DTNA: variants seen among roughly 807,000 people sequenced by gnomAD.
DTNA encodes dystrophin-related protein 3.
In DTNA, 43 loss-of-function variants were observed where a neutral mutation model predicts 100.7. The observed-to-expected ratio is 0.43, with a 90% CI of 0.33 to 0.55. DTNA has a LOEUF of 0.55. Ranked by LOEUF, DTNA falls within the 20% of genes least tolerant of loss-of-function variation. The pLI, the probability that DTNA is intolerant of heterozygous loss-of-function variation, is 0.04. For missense variants in DTNA, 798 were observed against 953.9 expected (o/e 0.84, Z 2.15); for synonymous variants, 349 against 347.9 (o/e 1.00, Z -0.04).
chr18:34,787,771 T>G (rs1461966056), intron 3 of DTNA, among the ~76,000 whole-genome samples: 2 of 152,190 alleles, frequency 1.3e-5, no homozygotes, highest in African/African-American at 2.4e-5. Context: ...ACCTAGCCCT[T>G]TTCTACCTGA....
chr18:34,782,706 T>C (rs11662191), intron 3 of DTNA, among the ~76,000 whole-genome samples: 18,229 of 152,178 alleles, frequency 0.12, 1,112 homozygotes, highest in African/African-American at 0.14. Flanking sequence ...GGCTAGAGCA[T>C]AGGACTCTTG....
chr18:34,816,969 T>C (rs1163897115), intron 7 of DTNA, among the ~76,000 whole-genome samples: 1 of 152,198 alleles, frequency 6.6e-6, no homozygotes, highest in African/African-American at 2.4e-5. Context: ...TTTTTTTATG[T>C]TTATCCATAT....
intron 3 of DTNA, among the ~76,000 whole-genome samples, chr18:34,771,127 G>T (rs1198720468): frequency 6.6e-6 from 1 of 152,068 alleles, no homozygotes; most frequent in Non-Finnish European, 1.5e-5. Flanking sequence ...TTTCTCTCTT[G>T]TTATGTATGT....
At chr18:34,619,378 G>A (rs2055999800) in intron 1 of DTNA, among the ~76,000 whole-genome samples, 1 of 152,140 alleles carries the variant, frequency 6.6e-6, no homozygotes, top group South Asian at 2.1e-4. Flanking sequence ...CTGAAAGAAA[G>A]AATGGATGGC....
chr18:34,792,898 C>T (rs913519161), intron 3 of DTNA, among the ~76,000 whole-genome samples: 5 of 152,086 alleles, frequency 3.3e-5, no homozygotes, highest in Admixed American at 6.6e-5. Context: ...AAGACTTGTA[C>T]GTGATTGTTC....
chr18:34,860,213 A>ATTT (rs1169379979), intron 16 of DTNA, among the ~76,000 whole-genome samples: 9 of 74,340 alleles, frequency 1.2e-4, no homozygotes, highest in East Asian at 7.5e-4. Context: ...CGCCCGGCTA[A>ATTT]TTTTTTGTTT....
chr18:34,682,762 CAT>C (rs1338106329), intron 1 of DTNA, among the ~76,000 whole-genome samples: 2 of 151,976 alleles, frequency 1.3e-5, no homozygotes, highest in East Asian at 3.9e-4. Flanking sequence ...TCCTTTATCA[CAT>C]GTGTCTTTTG....
At position 34,560,631 on chromosome 18, in the gene DTNA, C is replaced by T. The variant is rs1276320183; in HGVS notation, c.-2+67117C>T. On this transcript the variant is annotated intron_variant, in intron 1 of 19. Coordinates refer to the DTNA transcript ENST00000283365. ...TTTAAAATTTGAATAAGAGGTTGGGCGCTATGGCTCACTCCTGTAATCCCA... is the reference window on the plus strand; with the variant it reads ...TTTAAAATTTGAATAAGAGGTTGGGTGCTATGGCTCACTCCTGTAATCCCA... 3.3e-5 allele frequency among the ~76,000 whole-genome samples: 5 copies of T among 152,204 alleles called. No individual in the cohort carries two copies. In the East Asian group the frequency reaches 5.8e-4, roughly 18 times the overall value.
intron 1 of DTNA, among the ~76,000 whole-genome samples, chr18:34,621,379 T>A (rs2056473548): frequency 6.6e-6 from 1 of 152,050 alleles, no homozygotes; most frequent in African/African-American, 2.4e-5. Context: ...CACTCCCACG[T>A]TCACTGTAGC....
At chr18:34,506,420 A>G (rs2040499729) in intron 1 of DTNA, among the ~76,000 whole-genome samples, 1 of 152,152 alleles carries the variant, frequency 6.6e-6, no homozygotes, top group African/African-American at 2.4e-5. Context: ...TGACATCATC[A>G]CGGTGGGGAT....
intron 1 of DTNA, among the ~76,000 whole-genome samples, chr18:34,510,536 T>C (rs1183224504): frequency 1.3e-5 from 2 of 151,670 alleles, no homozygotes; most frequent in Admixed American, 6.6e-5. Context: ...TTATAATCAG[T>C]GGCAGAGCTA....
At chr18:34,649,489 G>A (rs1290269188) in intron 1 of DTNA, among the ~76,000 whole-genome samples, 1 of 152,064 alleles carries the variant, frequency 6.6e-6, no homozygotes, top group Non-Finnish European at 1.5e-5. Flanking sequence ...GCATTTACAT[G>A]TGTTAAATGT....
intron 1 of DTNA, among the ~76,000 whole-genome samples, chr18:34,545,380 A>G (rs2044669917): frequency 6.6e-6 from 1 of 152,132 alleles, no homozygotes; most frequent in Non-Finnish European, 1.5e-5. Flanking sequence ...TATTCCTACT[A>G]GGATATGTAC....
chr18:34,835,069 T>G (rs2096109264), intron 11 of DTNA, among the ~76,000 whole-genome samples: 1 of 152,178 alleles, frequency 6.6e-6, no homozygotes, highest in Admixed American at 6.5e-5. Context: ...AAAGAGTGGC[T>G]ATTTTTGTCT....
At chr18:34,806,445 T>C (rs1371247318) in intron 5 of DTNA, 141 bp downstream of exon 5, 1 of 751,214 alleles carries the variant, frequency 1.3e-6, no homozygotes, top group Admixed American at 2.2e-5. Flanking sequence ...TTTTCACTGA[T>C]GTTTGGATTT....
At chr18:34,746,111 G>A (rs2091529843) in intron 1 of DTNA, among the ~76,000 whole-genome samples, 1 of 150,996 alleles carries the variant, frequency 6.6e-6, no homozygotes, top group African/African-American at 2.4e-5. Flanking sequence ...TTGATAAGAG[G>A]AGTTCAAAAA....
intron 9 of DTNA, chr18:34,821,430 C>T (rs767207026): frequency 2.7e-5 from 12 of 450,674 alleles, no homozygotes; most frequent in African/African-American, 1.2e-4. Flanking sequence ...GGGGGAGTGG[C>T]GGGAAAATTT....
At chr18:34,546,311 G>A (rs561985647) in intron 1 of DTNA, among the ~76,000 whole-genome samples, 2 of 152,162 alleles carry the variant, frequency 1.3e-5, no homozygotes, top group East Asian at 3.9e-4. Flanking sequence ...AACACCTTAT[G>A]TTCATTCTGC....
At chr18:34,696,642 C>T (rs1444621284) in intron 1 of DTNA, among the ~76,000 whole-genome samples, 1 of 152,152 alleles carries the variant, frequency 6.6e-6, no homozygotes, top group Admixed American at 6.5e-5. Context: ...TGTCACCAGA[C>T]CCACCTCATG....
Sources: gnomAD v4.1 joint callset for allele counts (sites outside exome capture counted in the v4.1 genomes callset) on GRCh38, gnomAD v4.1.1 for gene constraint, MANE v1.5 for transcripts, NCBI Gene and HGNC (gene_info 2026-07-23, HGNC 2026-07-21) for gene names.